Variants in NCOA1 observed in about 807,000 individuals in gnomAD.
The protein encoded by NCOA1 is nuclear receptor coactivator 1.
In NCOA1, 35 loss-of-function variants were observed where a neutral mutation model predicts 150.9. The observed-to-expected ratio is 0.23, with a 90% CI of 0.18 to 0.31. The LOEUF (loss-of-function observed/expected upper bound fraction) is 0.31, where lower values mean the gene tolerates loss of function less well. NCOA1 is among the 10% of genes least tolerant of loss of function. The pLI is 1.00. For synonymous variants in NCOA1, 590 were observed against 630.0 expected (o/e 0.94, Z 0.95); for missense variants, 1,491 against 1,749.3 (o/e 0.85, Z 2.63).
chr2:24,606,771 G>A (rs764444908), intron 3 of NCOA1, among the ~76,000 whole-genome samples: 7 of 152,054 alleles, frequency 4.6e-5, no homozygotes, highest in Non-Finnish European at 7.4e-5. Context: ...TAACAGCTAC[G>A]TTTATTTAGT....
intron 3 of NCOA1, among the ~76,000 whole-genome samples, chr2:24,641,180 AGTTAACATTGTAATACTTTAT>A (rs1403343362): frequency 2.1e-4 from 32 of 151,666 alleles, no homozygotes; most frequent in Non-Finnish European, 4.6e-4. Flanking sequence ...ATTTATTTGT[AGTTAACATTGTAATACTTTAT>A]GTAAAATTTA....
intron 14 of NCOA1, among the ~76,000 whole-genome samples, chr2:24,725,829 A>G (rs1674590822): frequency 6.6e-6 from 1 of 151,704 alleles, no homozygotes; most frequent in Non-Finnish European, 1.5e-5. Context: ...AATGTTTTGG[A>G]ATATGTTTTC....
chr2:24,757,338 T>C (rs1664552892), intron 20 of NCOA1, among the ~76,000 whole-genome samples: 1 of 152,154 alleles, frequency 6.6e-6, no homozygotes, highest in Non-Finnish European at 1.5e-5. Flanking sequence ...GTAAACCATT[T>C]AATAGAAAAC....
chr2:24,570,442 C>T (rs1202546398), intron 2 of NCOA1, among the ~76,000 whole-genome samples: 2 of 152,134 alleles, frequency 1.3e-5, no homozygotes, highest in Non-Finnish European at 2.9e-5. Flanking sequence ...TATTTAAATC[C>T]GTGAGTTCAT....
At chr2:24,750,871 T>C (rs556753124) in intron 19 of NCOA1, among the ~76,000 whole-genome samples, 43 of 151,380 alleles carry the variant, frequency 2.8e-4, no homozygotes, top group Non-Finnish European at 5.6e-4. Context: ...GCAGTTACAG[T>C]GTGTCAATTT....
intron 1 of NCOA1, among the ~76,000 whole-genome samples, chr2:24,501,068 A>G (rs928389894): frequency 2.0e-5 from 3 of 152,216 alleles, no homozygotes; most frequent in Non-Finnish European, 4.4e-5. Flanking sequence ...AAACACAAAA[A>G]GGCAATACCA....
At chr2:24,752,329 G>A (rs900802958) in intron 20 of NCOA1, among the ~76,000 whole-genome samples, 173 bp downstream of exon 20, 1 of 152,200 alleles carries the variant, frequency 6.6e-6, no homozygotes, top group Non-Finnish European at 1.5e-5. Flanking sequence ...CCCCGTTTAT[G>A]TGTGGAGACA....
intron 3 of NCOA1, among the ~76,000 whole-genome samples, chr2:24,626,527 G>A (rs577488953): frequency 2.6e-5 from 4 of 152,188 alleles, no homozygotes; most frequent in African/African-American, 4.8e-5. Flanking sequence ...TCTAAGAACC[G>A]AGAGAGCTGG....
chr2:24,695,687 G>A (rs180967712), intron 10 of NCOA1, among the ~76,000 whole-genome samples: 2 of 152,198 alleles, frequency 1.3e-5, no homozygotes, highest in African/African-American at 2.4e-5. Context: ...ACTAGGAAAT[G>A]TTGAACAGTG....
chr2:24,570,463 C>T (rs1306440163), intron 2 of NCOA1, among the ~76,000 whole-genome samples: 1 of 152,184 alleles, frequency 6.6e-6, no homozygotes, highest in Admixed American at 6.5e-5. Flanking sequence ...AATGATACTT[C>T]AAGAACTCAT....
chr2:24,633,921 G>A (rs1022179898), intron 3 of NCOA1, among the ~76,000 whole-genome samples: 1 of 152,258 alleles, frequency 6.6e-6, no homozygotes, highest in East Asian at 1.9e-4. Context: ...GCCATTATTT[G>A]TAATAATGAA....
In NCOA1 at chr2:24,707,597, T is replaced by A. The variant is rs754594290; in HGVS notation, c.2127T>A (p.Pro709=). ...ATATCACCACTTTGTCTGTCGAGCC[T>A]GATAAAAAGGACAGTGCATCTACTT... The part of the protein sequence containing the change: ...PSDITTLSVE[P]DKKDSASTSV... The change falls in exon 13 of 23, where the codon CCT becomes CCA. Residue 709 remains proline (P), a synonymous_variant. Transcript: ENST00000348332. The A allele has an allele frequency of 1.9e-6, 3 of 1,614,170 alleles. No individual in the cohort carries two copies. Among genetic ancestry groups the A allele is most frequent in the Non-Finnish European group, 2.5e-6 (3 of 1,180,024 alleles).
At chr2:24,746,818 T>TTGTACAATACCAAGAGTGAACCG (rs1663944114) in intron 19 of NCOA1, among the ~76,000 whole-genome samples, 1 of 152,164 alleles carries the variant, frequency 6.6e-6, no homozygotes, top group South Asian at 2.1e-4. Context: ...AATCCATAGA[T>TTGTACAATACCAAGAGTGAACCG]TGTACAATAC....
chr2:24,667,972 A>G (rs1456734972), intron 6 of NCOA1, among the ~76,000 whole-genome samples: 2 of 152,128 alleles, frequency 1.3e-5, no homozygotes, highest in African/African-American at 2.4e-5. Context: ...CATACTTTAT[A>G]TATTATTTGC....
intron 1 of NCOA1, among the ~76,000 whole-genome samples, chr2:24,503,668 T>A (rs1558747289): frequency 6.6e-6 from 1 of 152,040 alleles, no homozygotes; most frequent in African/African-American, 2.4e-5. Flanking sequence ...CTGAGATATA[T>A]GGAAACTTGT....
chr2:24,619,370 G>A (rs1669015469), intron 3 of NCOA1, among the ~76,000 whole-genome samples: 1 of 152,130 alleles, frequency 6.6e-6, no homozygotes, highest in African/African-American at 2.4e-5. Context: ...TAATAATATG[G>A]CCTTAGATTC....
At chr2:24,557,784 A>G (rs1034508163) in intron 1 of NCOA1, among the ~76,000 whole-genome samples, 6 of 151,812 alleles carry the variant, frequency 4.0e-5, no homozygotes, top group Non-Finnish European at 8.8e-5. Context: ...TATATACTCT[A>G]TTCTCTTTTG....
chr2:24,726,155 A>G (rs1021712340), intron 14 of NCOA1, among the ~76,000 whole-genome samples: 1 of 152,118 alleles, frequency 6.6e-6, no homozygotes, highest in African/African-American at 2.4e-5. Flanking sequence ...ATGGCCTCAG[A>G]TTCTAGTTTC....
At chr2:24,642,504 G>T (rs760549688) in intron 3 of NCOA1, among the ~76,000 whole-genome samples, 2 of 151,904 alleles carry the variant, frequency 1.3e-5, no homozygotes, top group Non-Finnish European at 2.9e-5. Context: ...ATTGTGTACT[G>T]GATATTGTGG....
Sources: gnomAD v4.1 joint callset for allele counts (sites outside exome capture counted in the v4.1 genomes callset) on GRCh38, gnomAD v4.1.1 for gene constraint, MANE v1.5 for transcripts, NCBI Gene and HGNC (gene_info 2026-07-23, HGNC 2026-07-21) for gene names.